The following CCSER1 variants were observed in gnomAD, a reference collection of about 807,000 sequenced individuals.
CCSER1 encodes the protein serine-rich coiled-coil domain-containing protein 1.
Under a neutral mutation model 82.0 loss-of-function variants are expected in CCSER1, and 41 were observed. The ratio of observed to expected loss-of-function variants is 0.50; its 90% confidence interval spans 0.39 to 0.65. CCSER1 has a LOEUF of 0.65. CCSER1 is among the 30% of genes least tolerant of loss of function. CCSER1 has a pLI of 0.00. For synonymous variants in CCSER1, 414 were observed against 383.9 expected (o/e 1.08, Z -0.92); for missense variants, 1,119 against 1,064.2 (o/e 1.05, Z -0.72).
chr4:90,127,638 C>G lies in CCSER1; in HGVS notation c.-235C>G, dbSNP rs1722006691. Reference sequence around the variant, plus strand: ...GGCTCGGGCAGAGCAGCTCCGCTGGCGCAGGCAGGAGGAGCAGGAGGATTA... The same window carrying G: ...GGCTCGGGCAGAGCAGCTCCGCTGGGGCAGGCAGGAGGAGCAGGAGGATTA... On this transcript the variant is annotated 5_prime_UTR_variant, in exon 1 of 11. Coordinates refer to ENST00000509176, the MANE Select transcript of CCSER1 (RefSeq NM_001145065.2). The G allele has an allele frequency of 1.3e-5, 2 of 152,804 alleles. No individual in the cohort carries two copies. 9.5% of individuals were successfully genotyped at this position (152,804 alleles called of 1,614,324 possible). A position where few individuals can be genotyped will look rare whatever the true frequency, so the allele number is the denominator to read the frequency against.
chr4:90,924,137 G>T (rs1430572228), intron 9 of CCSER1, among the ~76,000 whole-genome samples: 1 of 151,900 alleles, frequency 6.6e-6, no homozygotes, highest in African/African-American at 2.4e-5. Flanking sequence ...AAAAAATAAA[G>T]GAATTAATTT....
chr4:90,903,272 C>T (rs920328329), intron 8 of CCSER1, among the ~76,000 whole-genome samples: 4 of 152,026 alleles, frequency 2.6e-5, no homozygotes, highest in Admixed American at 6.6e-5. Context: ...ATGCTATTCT[C>T]GTGGTAGTGA....
chr4:90,130,743 C>A lies in CCSER1; in HGVS notation c.-42+2912C>A, dbSNP rs143099287. Among the ~76,000 whole-genome samples, 1,209 of 151,654 alleles carry A rather than the reference C, an allele frequency of 8.0e-3. 21 individuals are homozygous for A. The highest frequency in any genetic ancestry group is 0.028 in the African/African-American group (1,143 of 41,330). On this transcript the variant is annotated intron_variant, in intron 1 of 10. Coordinates refer to ENST00000509176, the MANE Select transcript of CCSER1 (RefSeq NM_001145065.2). Reference sequence around the variant, plus strand: ...GGTTCAAGTGATTCTCCTGCCTCAGCCTCCGGAGTAGTTGGGACTACAGGC... The same window carrying A: ...GGTTCAAGTGATTCTCCTGCCTCAGACTCCGGAGTAGTTGGGACTACAGGC...
chr4:90,392,035 A>G (rs900334022), intron 3 of CCSER1, among the ~76,000 whole-genome samples: 11 of 151,946 alleles, frequency 7.2e-5, no homozygotes, highest in Non-Finnish European at 1.3e-4. Flanking sequence ...AATCAAGGAG[A>G]TGGTGTCTGT....
At chr4:90,693,006 A>T (rs1736299868) in intron 6 of CCSER1, among the ~76,000 whole-genome samples, 1 of 151,926 alleles carries the variant, frequency 6.6e-6, no homozygotes, top group Non-Finnish European at 1.5e-5. Flanking sequence ...CTATACCAGA[A>T]AGACACACAC....
intron 1 of CCSER1, among the ~76,000 whole-genome samples, chr4:90,155,279 G>C (rs1400160312): frequency 2.0e-5 from 3 of 152,070 alleles, no homozygotes; most frequent in Non-Finnish European, 4.4e-5. Flanking sequence ...GATTCAGTTT[G>C]CCAGTATTTT....
intron 9 of CCSER1, among the ~76,000 whole-genome samples, chr4:91,003,591 T>C (rs1414955263): frequency 6.6e-6 from 1 of 152,130 alleles, no homozygotes; most frequent in African/African-American, 2.4e-5. Context: ...GAACCGAGTC[T>C]GTTTCCAAAC....
rs1578970678 is a variant in CCSER1, at chr4:90,287,600, A to G, written c.-41-20644A>G. Among the ~76,000 whole-genome samples, 3 of 152,064 alleles carry G rather than the reference A, an allele frequency of 2.0e-5. No homozygotes were observed. The South Asian group carries it at 6.2e-4, about 32-fold the overall frequency. On this transcript the variant is annotated intron_variant, in intron 1 of 10. Transcript: ENST00000509176. ...TTCTGATAAGAACATGTTTCATTCA[A>G]CATAATGCCATGTAAAGGATTCCTG...
chr4:90,217,228 G>A (rs1253953273), intron 1 of CCSER1, among the ~76,000 whole-genome samples: 3 of 151,932 alleles, frequency 2.0e-5, no homozygotes, highest in Non-Finnish European at 2.9e-5. Flanking sequence ...ATGGAGTCTT[G>A]CTCCATTTCC....
chr4:91,302,795 AT>A lies in CCSER1; in HGVS notation c.2217+216808del, dbSNP rs566835252. Among the ~76,000 whole-genome samples the A allele has an allele frequency of 2.7e-4, 32 of 120,152 alleles. 1 individual carries two copies. Among genetic ancestry groups the A allele is most frequent in the South Asian group, 1.7e-3 (6 of 3,620 alleles). 78.8% of individuals were successfully genotyped at this position (120,152 alleles called of 152,430 possible). ...ATATCTGCTATTCTCTATGCCTGTA[AT>A]TTTTTTCCCCTAGATCTTTTTTTTT... On this transcript the variant is annotated intron_variant, in intron 10 of 10. Coordinates refer to ENST00000509176, the MANE Select transcript of CCSER1 (RefSeq NM_001145065.2).
At chr4:90,411,940 C>T (rs193216342) in intron 4 of CCSER1, among the ~76,000 whole-genome samples, 1 of 152,110 alleles carries the variant, frequency 6.6e-6, no homozygotes, top group Non-Finnish European at 1.5e-5. Context: ...GATACAAAAT[C>T]AATGTGCAAA....
chr4:90,876,318 T>C (rs935805922), intron 8 of CCSER1, among the ~76,000 whole-genome samples: 1 of 152,036 alleles, frequency 6.6e-6, no homozygotes, highest in Non-Finnish European at 1.5e-5. Context: ...TAACCCATAA[T>C]AATTAGCCCT....
chr4:91,279,835 A>T (rs1476717838), intron 10 of CCSER1, among the ~76,000 whole-genome samples: 1 of 152,004 alleles, frequency 6.6e-6, no homozygotes, highest in Non-Finnish European at 1.5e-5. Context: ...TTGTGCCCTT[A>T]TATTGATATT....
chr4:90,782,685 C>CTTTTTTTTT (rs61457393), intron 7 of CCSER1, among the ~76,000 whole-genome samples: 7 of 133,978 alleles, frequency 5.2e-5, no homozygotes, highest in East Asian at 2.2e-4. Context: ...TTCTTTCTTT[C>CTTTTTTTTT]TTTTTTTTTT....
At chr4:90,356,110 C>A (rs888205812) in intron 3 of CCSER1, among the ~76,000 whole-genome samples, 1 of 151,848 alleles carries the variant, frequency 6.6e-6, no homozygotes, top group African/African-American at 2.4e-5. Context: ...ATTATCCTGA[C>A]AAATTTCCTG....
chr4:90,346,052 G>T (rs965572482), intron 3 of CCSER1, among the ~76,000 whole-genome samples: 28 of 151,332 alleles, frequency 1.9e-4, no homozygotes, highest in African/African-American at 6.8e-4. Context: ...CTTTTTTTCT[G>T]CCATATGACC....
At chr4:91,058,600 T>A (rs924941816) in intron 9 of CCSER1, among the ~76,000 whole-genome samples, 1 of 152,102 alleles carries the variant, frequency 6.6e-6, no homozygotes, top group Non-Finnish European at 1.5e-5. Flanking sequence ...AACTTTGTCA[T>A]CTTCATCCTC....
intron 6 of CCSER1, among the ~76,000 whole-genome samples, chr4:90,723,434 C>T (rs1176816211): frequency 6.6e-6 from 1 of 151,608 alleles, no homozygotes; most frequent in Admixed American, 6.6e-5. Flanking sequence ...AATATTTTTT[C>T]AGTTTGTAAT....
chr4:90,256,010 G>T (rs547738935), intron 1 of CCSER1, among the ~76,000 whole-genome samples: 79 of 152,222 alleles, frequency 5.2e-4, no homozygotes, highest in African/African-American at 1.9e-3. Context: ...TTACCTTGCA[G>T]CCTAACTCTA....
Sources: allele counts gnomAD v4.1 joint callset (sites outside exome capture counted in the v4.1 genomes callset), GRCh38; gene constraint gnomAD v4.1.1; transcripts MANE v1.5; gene names NCBI Gene and HGNC (gene_info 2026-07-23, HGNC 2026-07-21).